The following RP9 variants were observed in gnomAD, a reference collection of about 807,000 sequenced individuals.
The protein encoded by RP9 is RP9 pre-mRNA splicing factor, also known as retinitis pigmentosa 9 protein.
RP9 carries 23 observed loss-of-function variants against 32.6 expected under a neutral mutation model. That is an observed-to-expected ratio of 0.71 (90% confidence interval 0.51 to 1.00). The LOEUF is 1.00. RP9 is among the 50% of genes least tolerant of loss of function. RP9 has a pLI of 0.00. For missense variants in RP9, 245 were observed against 285.3 expected (o/e 0.86, Z 1.02); for synonymous variants, 94 against 103.6 (o/e 0.91, Z 0.56).
In RP9 at chr7:33,100,338, T is replaced by G. The variant is rs1788406802; in HGVS notation, c.183+193A>C. ...ACTGGTTCTTCAGGGAAGGGAAACA[T>G]GGCTGATGAAATTTCTGCAAAGGCA... On this transcript the variant is annotated intron_variant, in intron 2 of 5. Coordinates refer to ENST00000297157, the MANE Select transcript of RP9 (RefSeq NM_203288.2). The G allele has an allele frequency of 4.6e-6, 3 of 648,134 alleles. No homozygotes were observed. In the East Asian group the frequency reaches 8.2e-5, roughly 18 times the overall value. 40.1% of individuals were successfully genotyped at this position (648,134 alleles called of 1,614,324 possible). A position where few individuals can be genotyped will look rare whatever the true frequency, so the allele number is the denominator to read the frequency against.
intron 1 of RP9, among the ~76,000 whole-genome samples, chr7:33,104,588 A>G (rs2128033451): frequency 6.6e-6 from 1 of 152,310 alleles, no homozygotes; most frequent in Non-Finnish European, 1.5e-5. Flanking sequence ...TATAAAAGAA[A>G]GGGACTCAGA....
chr7:33,103,141 A>G (rs1327416110), intron 1 of RP9, among the ~76,000 whole-genome samples: 1 of 152,238 alleles, frequency 6.6e-6, no homozygotes, highest in African/African-American at 2.4e-5. Flanking sequence ...CAAATTTGGG[A>G]AAGTGGAAAT....
At chr7:33,097,417 T>TA in intron 3 of RP9, 55 bp from the exon 4 acceptor site, 1 of 1,252,652 alleles carries the variant, frequency 8.0e-7, no homozygotes, top group Non-Finnish European at 1.2e-6. Context: ...CTACTCAAGA[T>TA]AAAGAATCAG....
In RP9 at chr7:33,109,276, TCTGCTCCCGACGTCGCTGCAGCTC is replaced by T; in HGVS notation, c.73_96del (p.Glu25_Gln32del). ...TGCTGCGCGTCGTGTCGCCGCCGCT[TCTGCTCCCGACGTCGCTGCAGCTC>T]CTGCTCCGGCGGCTCACGCGGCCGC... On this transcript the variant is annotated inframe_deletion, in exon 1 of 6. Coordinates refer to ENST00000297157, the MANE Select transcript of RP9 (RefSeq NM_203288.2). This position sits in a 1 kb window ranked among gnomAD's most constrained non-coding sequence, Gnocchi z 4.9. The T allele has an allele frequency of 6.7e-7, 1 of 1,491,298 alleles. No homozygotes were observed. Among genetic ancestry groups the T allele is most frequent in the Non-Finnish European group, 8.9e-7 (1 of 1,124,550 alleles). The allele number at this position is 1,491,298 out of a possible 1,614,324, so 92.4% of individuals were successfully genotyped here.
rs1788546638 is a variant in RP9 at position 33,109,245 on chromosome 7, T to C, written c.128A>G (p.Gln43Arg). Residue 43 changes from glutamine (Q) to arginine (R), a missense_variant, in exon 1 of 6, where the codon CAG (glutamine) becomes CGG (arginine). By Grantham distance (43) the Gln-to-Arg change is conservative. Transcript: ENST00000297157. The surrounding 1 kb of genome is among the most constrained non-coding windows in gnomAD (Gnocchi z 4.9). ...KRRRHDAQQL[Q>R]QLKHLESFYE... is the part of the protein sequence containing the mutation. ...CAAGGACTCCAGGTGCTTGAGCTGC[T>C]GCAGCTGCTGCGCGTCGTGTCGCCG... is the stretch of plus-strand genomic sequence containing the variant. 2 of 1,496,162 alleles carry C rather than the reference T, an allele frequency of 1.3e-6. No individual in the cohort carries two copies. The highest frequency in any genetic ancestry group is 1.8e-6 in the Non-Finnish European group (2 of 1,125,620). 92.7% of individuals were successfully genotyped at this position (1,496,162 alleles called of 1,614,324 possible). A position where few individuals can be genotyped will look rare whatever the true frequency, so the allele number is the denominator to read the frequency against.
At chr7:33,104,964 T>C (rs962492884) in intron 1 of RP9, among the ~76,000 whole-genome samples, 2 of 152,174 alleles carry the variant, frequency 1.3e-5, no homozygotes, top group African/African-American at 2.4e-5. Flanking sequence ...TCTTCAGATA[T>C]GCAAGGTGTC....
chr7:33,101,001 G>T, intron 1 of RP9: 1 of 316,686 alleles, frequency 3.2e-6, no homozygotes, highest in East Asian at 8.1e-5. Flanking sequence ...AAACCTTTAG[G>T]GAAGTATTTT....
intron 5 of RP9, among the ~76,000 whole-genome samples, chr7:33,096,076 C>T (rs1276922144): frequency 6.6e-6 from 1 of 152,204 alleles, no homozygotes; most frequent in Non-Finnish European, 1.5e-5. Context: ...TTCAGCGATC[C>T]GCTGGCCTCG....
intron 1 of RP9, among the ~76,000 whole-genome samples, chr7:33,101,870 T>TA (rs2128032973): frequency 6.6e-6 from 1 of 152,324 alleles, no homozygotes; most frequent in African/African-American, 2.4e-5. Flanking sequence ...GTGAAGATGA[T>TA]AGTTTATCTG....
intron 1 of RP9, among the ~76,000 whole-genome samples, chr7:33,103,304 G>A (rs1788454440): frequency 1.3e-5 from 2 of 152,136 alleles, no homozygotes; most frequent in African/African-American, 4.8e-5. Context: ...GAGATCCCTG[G>A]CCCCCAGGCA....
intron 2 of RP9, chr7:33,100,247 AGCTTAGAGAT>A: frequency 2.0e-6 from 1 of 505,806 alleles, no homozygotes. Context: ...AAGGAAAAGG[AGCTTAGAGAT>A]GCCATCCCCA....
rs1378197675 is a variant in RP9, at chr7:33,109,335, G to A, written c.38C>T (p.Ala13Val). The A allele has an allele frequency of 1.3e-5, 19 of 1,453,350 alleles. No homozygotes were observed. Among genetic ancestry groups the A allele is most frequent in the Admixed American group, 2.4e-5 (1 of 40,872 alleles). The allele number at this position is 1,453,350 out of a possible 1,614,324, so 90.0% of individuals were successfully genotyped here. A position where few individuals can be genotyped will look rare whatever the true frequency, so the allele number is the denominator to read the frequency against. The change falls in exon 1 of 6, where the codon GCG (alanine) becomes GTG (valine). Residue 13 changes from alanine to valine, a missense_variant. Ala to Val is a moderately conservative substitution (Grantham distance 64). This residue lies in a region of RP9 where 182 missense variants were observed against 175.5 expected (regional missense o/e 1.04). Coordinates refer to ENST00000297157, the MANE Select transcript of RP9 (RefSeq NM_203288.2). The surrounding 1 kb of genome is among the most constrained non-coding windows in gnomAD (Gnocchi z 4.9). ...CGGCTCACGCGGCCGCCGCGCGCCC[G>A]CAGCCCCCACGTCCTCGCGCCCAGG... ...SRPGREDVGA[A>V]GARRPREPPE...
At chr7:33,104,680 C>G (rs538612333) in intron 1 of RP9, among the ~76,000 whole-genome samples, 1 of 152,262 alleles carries the variant, frequency 6.6e-6, no homozygotes, top group East Asian at 1.9e-4. Context: ...ATTGTTGTTA[C>G]TATTTTCCTC....
chr7:33,099,466 G>A, intron 2 of RP9, 30 bp from the exon 3 acceptor site: 2 of 1,613,402 alleles, frequency 1.2e-6, no homozygotes, highest in South Asian at 1.1e-5. Context: ...TAAACAGCAT[G>A]GCAAGAGCGC....
Position 33,101,929 on chromosome 7 carries a change from G to A in RP9, c.153-1368C>T, listed in dbSNP as rs1788432094. Among the ~76,000 whole-genome samples, 3 of 152,160 alleles carry A rather than the reference G, an allele frequency of 2.0e-5. No homozygotes were observed. The South Asian group carries it at 6.2e-4, about 32-fold the overall frequency. On this transcript the variant is annotated intron_variant, in intron 1 of 5. Coordinates refer to ENST00000297157, the MANE Select transcript of RP9 (RefSeq NM_203288.2). Reference sequence around the variant, plus strand: ...TGCTATACCTTATGCATAGAGACTAGAAGGAGCTTGACAGTAAAGTCTATA... The same window carrying A: ...TGCTATACCTTATGCATAGAGACTAAAAGGAGCTTGACAGTAAAGTCTATA...
intron 1 of RP9, among the ~76,000 whole-genome samples, chr7:33,104,716 G>A (rs1788474388): frequency 6.6e-6 from 1 of 152,146 alleles, no homozygotes. Flanking sequence ...GAGTAGCTGG[G>A]ACTACAGGTC....
At chr7:33,100,869 T>G in intron 1 of RP9, 1 of 520,192 alleles carries the variant, frequency 1.9e-6, no homozygotes, top group Non-Finnish European at 3.7e-6. Flanking sequence ...GGGAAGGAAA[T>G]TCTGAAGGCG....
At chr7:33,099,152 G>C (rs1469652355) in intron 3 of RP9, 155 bp downstream of exon 3, 3 of 830,188 alleles carry the variant, frequency 3.6e-6, no homozygotes. Context: ...CACGGTGGTG[G>C]GGGGTGGGGT....
At chr7:33,097,646 G>T (rs981279019) in intron 3 of RP9, among the ~76,000 whole-genome samples, 10 of 151,916 alleles carry the variant, frequency 6.6e-5, no homozygotes, top group Non-Finnish European at 1.5e-4. Context: ...TTGAGATGGA[G>T]TCCTGCTCTG....
Sources: allele counts gnomAD v4.1 joint callset (sites outside exome capture counted in the v4.1 genomes callset), GRCh38; gene constraint gnomAD v4.1.1; regional missense constraint gnomAD v4.1.1; non-coding constraint Gnocchi (gnomAD v3.1); transcripts MANE v1.5; gene names NCBI Gene and HGNC (gene_info 2026-07-23, HGNC 2026-07-21).